Variants in INTS3 observed in about 807,000 individuals in gnomAD.
The protein encoded by INTS3 is integrator complex subunit 3.
In INTS3, 34 loss-of-function variants were observed where a neutral mutation model predicts 146.3. The observed-to-expected ratio is 0.23, with a 90% confidence interval of 0.18 to 0.31. The LOEUF (loss-of-function observed/expected upper bound fraction) is 0.31. INTS3 is among the 10% of genes least tolerant of loss of function. The probability of loss-of-function intolerance (pLI) is 1.00; values close to 1 mark genes in which losing one functional copy is unlikely to be tolerated. For missense variants in INTS3, 757 were observed against 1,304.2 expected (o/e 0.58, Z 6.46); for synonymous variants, 475 against 494.9 (o/e 0.96, Z 0.53).
Position 153,741,479 on chromosome 1 carries a change from A to T in INTS3, c.318+111A>T. Reference sequence around the variant, plus strand: ...GAAACTCTTCGACCAGAGCTGGATCACCTTGTTCTCCAAATATAGTTACAA... The same window carrying T: ...GAAACTCTTCGACCAGAGCTGGATCTCCTTGTTCTCCAAATATAGTTACAA... On this transcript the variant is annotated intron_variant, in intron 3 of 29. Coordinates refer to ENST00000318967, the MANE Select transcript of INTS3 (RefSeq NM_023015.5). The T allele has an allele frequency of 3.9e-6, 3 of 770,880 alleles. No homozygotes were observed. In the South Asian group the frequency reaches 4.7e-5, roughly 12 times the overall value. 47.8% of individuals were successfully genotyped at this position (770,880 alleles called of 1,614,324 possible).
intron 23 of INTS3, 75 bp downstream of exon 23, chr1:153,769,919 C>G: frequency 9.1e-7 from 1 of 1,097,438 alleles, no homozygotes; most frequent in South Asian, 1.3e-5. Flanking sequence ...TTTACACTAT[C>G]AGGAAAGCTG....
At chr1:153,756,101 G>A (rs894394510) in intron 9 of INTS3, among the ~76,000 whole-genome samples, 1 of 151,858 alleles carries the variant, frequency 6.6e-6, no homozygotes, top group Non-Finnish European at 1.5e-5. Flanking sequence ...ACAGCTGGGC[G>A]CTGTGGCTCA....
chr1:153,769,076 C>T (rs538930018), intron 22 of INTS3, 115 bp downstream of exon 22: 6 of 814,184 alleles, frequency 7.4e-6, no homozygotes, highest in African/African-American at 6.7e-5. Context: ...CAGGCACCCT[C>T]CCTCCTGGCT....
chr1:153,746,637 G>A (rs926027778), intron 3 of INTS3, among the ~76,000 whole-genome samples: 7 of 151,820 alleles, frequency 4.6e-5, no homozygotes, highest in Non-Finnish European at 1.0e-4. Flanking sequence ...TCCTGACCTC[G>A]TGATCCACCC....
At chr1:153,771,585 T>G (rs1186707859) in intron 25 of INTS3, among the ~76,000 whole-genome samples, 1 of 152,096 alleles carries the variant, frequency 6.6e-6, no homozygotes, top group East Asian at 1.9e-4. Context: ...ACACGCCTTC[T>G]CCTACCACAG....
intron 11 of INTS3, 59 bp downstream of exon 11, chr1:153,759,672 C>T (rs1162489034): frequency 1.9e-6 from 2 of 1,068,678 alleles, no homozygotes; most frequent in Admixed American, 3.4e-5. Flanking sequence ...CCACTGCCTT[C>T]CTTAGTGATA....
At chr1:153,730,536 G>A (rs990211669) in intron 1 of INTS3, among the ~76,000 whole-genome samples, 10 of 152,114 alleles carry the variant, frequency 6.6e-5, no homozygotes, top group Admixed American at 6.6e-4. Flanking sequence ...ATTCTTAGAG[G>A]CGTCATTGTG....
chr1:153,770,133 GGGT>G (rs1672778303), intron 23 of INTS3, 62 bp from the exon 24 acceptor site: 70 of 656,748 alleles, frequency 1.1e-4, no homozygotes, highest in Middle Eastern at 8.5e-4. Flanking sequence ...GGGGTGGGGG[GGGT>G]GTGTGTGTGT....
chr1:153,757,556 CT>C lies in INTS3; in HGVS notation c.958-14del. The C allele has an allele frequency of 6.2e-7, 1 of 1,610,488 alleles. No homozygotes were observed. The highest frequency in any genetic ancestry group is 8.5e-7 in the Non-Finnish European group (1 of 1,177,098). ...ACTGTCTTCTAAGGTCTTTTTCTTG[CT>C]TCCCCTTTCCCCAGGTGCGATTTGG... On this transcript the variant is annotated splice_polypyrimidine_tract_variant and intron_variant, in intron 9 of 29. Transcript: ENST00000318967. This position sits in a 1 kb window ranked among gnomAD's most constrained non-coding sequence, Gnocchi z 4.0.
chr1:153,760,232 CAAAAAAAAAA>C (rs58951043), intron 11 of INTS3, 69 bp from the exon 12 acceptor site: 129 of 395,374 alleles, frequency 3.3e-4, no homozygotes, highest in East Asian at 6.6e-4. Context: ...GACTCTGTTT[CAAAAAAAAAA>C]AAAAAAAAAA....
At chr1:153,748,850 G>T in intron 6 of INTS3, 95 bp downstream of exon 6, 1 of 1,006,970 alleles carries the variant, frequency 9.9e-7, no homozygotes, top group Non-Finnish European at 1.6e-6. Context: ...TGTGGCCCAA[G>T]AACACCTTAA....
intron 3 of INTS3, among the ~76,000 whole-genome samples, chr1:153,745,377 G>A (rs1485323236): frequency 6.6e-6 from 1 of 151,668 alleles, no homozygotes; most frequent in Non-Finnish European, 1.5e-5. Flanking sequence ...GGGTGGTCTC[G>A]AACTCCTGAC....
At chr1:153,763,181 C>G in intron 15 of INTS3, 52 bp from the exon 16 acceptor site, 1 of 1,612,686 alleles carries the variant, frequency 6.2e-7, no homozygotes, top group Non-Finnish European at 8.5e-7. Flanking sequence ...GGGACTGTCT[C>G]TGTTGCTGGC....
Position 153,770,058 on chromosome 1 carries a change from GGTGTGTGTGTGT to G in INTS3, c.2390-106_2390-95del, listed in dbSNP as rs55766761. 127 of 444,154 alleles carry G rather than the reference GGTGTGTGTGTGT, an allele frequency of 2.9e-4. 1 individual carries two copies. The highest frequency in any genetic ancestry group is 5.8e-4 in the Admixed American group (16 of 27,660). The allele number at this position is 444,154 out of a possible 1,614,324, so 27.5% of individuals were successfully genotyped here. ...GGGGTGCTGGTAGTCAGTGGATTGG[GGTGTGTGTGTGT>G]GTGTGTGTGTGTGTGTGTGTGTGTG... On this transcript the variant is annotated intron_variant, in intron 23 of 29. Transcript: ENST00000318967.
chr1:153,754,765 A>G (rs546319583), intron 9 of INTS3, 26 bp downstream of exon 9: 1 of 1,432,932 alleles, frequency 7.0e-7, no homozygotes, highest in African/African-American at 1.4e-5. Flanking sequence ...GCAGCAAGAG[A>G]AGAGGTCACA....
chr1:153,771,049 G>GC (rs1374845243), intron 25 of INTS3, among the ~76,000 whole-genome samples: 1 of 131,584 alleles, frequency 7.6e-6, no homozygotes, highest in African/African-American at 2.8e-5. Context: ...CCCCCCCACC[G>GC]CCCCATGCTC....
At chr1:153,771,700 G>T in intron 25 of INTS3, 96 bp from the exon 26 acceptor site, 1 of 1,195,736 alleles carries the variant, frequency 8.4e-7, no homozygotes, top group Non-Finnish European at 1.2e-6. Context: ...GTAGTGGGTG[G>T]GTGGGGAGGC....
intron 5 of INTS3, 157 bp from the exon 6 acceptor site, chr1:153,748,532 T>G: frequency 1.4e-6 from 1 of 715,336 alleles, no homozygotes; most frequent in Non-Finnish European, 2.6e-6. Context: ...GGTGAAACTT[T>G]AAAGCCTGAC....
intron 14 of INTS3, 98 bp from the exon 15 acceptor site, chr1:153,762,630 A>T: frequency 7.0e-7 from 1 of 1,436,906 alleles, no homozygotes; most frequent in African/African-American, 1.4e-5. Context: ...TAAACTCCTT[A>T]TTCTCTCACT....
Sources: allele counts gnomAD v4.1 joint callset (sites outside exome capture counted in the v4.1 genomes callset), GRCh38; gene constraint gnomAD v4.1.1; non-coding constraint Gnocchi (gnomAD v3.1); transcripts MANE v1.5; gene names NCBI Gene and HGNC (gene_info 2026-07-23, HGNC 2026-07-21).